Variants in BBOX1 observed in about 807,000 individuals in gnomAD.
BBOX1 encodes gamma-butyrobetaine hydroxylase 1.
A neutral mutation model predicts 41.6 loss-of-function variants in BBOX1; 35 were observed. The ratio of observed to expected loss-of-function variants is 0.84; its 90% CI spans 0.64 to 1.11. BBOX1 has a LOEUF of 1.11. Ranked by LOEUF, BBOX1 falls within the 50% of genes most tolerant of loss-of-function variation. The pLI, the probability that BBOX1 is intolerant of heterozygous loss-of-function variation, is 0.00. For synonymous variants in BBOX1, 163 were observed against 154.7 expected (o/e 1.05, Z -0.40); for missense variants, 458 against 460.6 (o/e 0.99, Z 0.05).
At chr11:27,104,809 A>G (rs1439218220) in intron 5 of BBOX1, among the ~76,000 whole-genome samples, 3 of 152,104 alleles carry the variant, frequency 2.0e-5, no homozygotes, top group Non-Finnish European at 4.4e-5. Flanking sequence ...TGGGTCCCTG[A>G]CCCCTGAGTA....
intron 5 of BBOX1, among the ~76,000 whole-genome samples, chr11:27,098,349 ATAAT>A (rs1858522593): frequency 6.6e-6 from 1 of 152,010 alleles, no homozygotes; most frequent in Non-Finnish European, 1.5e-5. Flanking sequence ...ATAAACCAAA[ATAAT>A]TATATGCTCC....
intron 4 of BBOX1, among the ~76,000 whole-genome samples, chr11:27,089,515 C>T (rs1858162198): frequency 6.6e-6 from 1 of 152,016 alleles, no homozygotes; most frequent in African/African-American, 2.4e-5. Flanking sequence ...CAACAGTCTA[C>T]ATAGGAATAG....
intron 4 of BBOX1, among the ~76,000 whole-genome samples, chr11:27,058,819 A>G (rs1474859457): frequency 6.6e-6 from 1 of 152,218 alleles, no homozygotes; most frequent in Non-Finnish European, 1.5e-5. Flanking sequence ...ATGATCAGAT[A>G]CAAGAGCAAA....
chr11:27,065,230 A>C (rs887764105), intron 4 of BBOX1, among the ~76,000 whole-genome samples: 1 of 152,178 alleles, frequency 6.6e-6, no homozygotes, highest in Non-Finnish European at 1.5e-5. Context: ...AATTCTTGCA[A>C]AGGGACCTAT....
At chr11:27,103,547 C>T (rs1858746231) in intron 5 of BBOX1, among the ~76,000 whole-genome samples, 1 of 151,466 alleles carries the variant, frequency 6.6e-6, no homozygotes, top group Non-Finnish European at 1.5e-5. Flanking sequence ...TCTTGCATTC[C>T]TTCTAATTTA....
In BBOX1 at chr11:27,093,212, T is replaced by A. The variant is rs1375757643; in HGVS notation, c.379T>A (p.Phe127Ile). The A allele has an allele frequency of 6.2e-7, 1 of 1,612,306 alleles. No individual in the cohort carries two copies. Among genetic ancestry groups the A allele is most frequent in the South Asian group, 1.1e-5 (1 of 91,018 alleles). ...GSELQLPTLD[F>I]EDVLRYDEHA... ...AGAGCTCCAGCTACCCACTTTGGAT[T>A]TTGAAGATGTTTTAAGATATGATGA... The change falls in exon 5 of 9, where the codon TTT becomes ATT. Residue 127 changes from phenylalanine to isoleucine, a missense_variant. Phe to Ile is a conservative substitution (Grantham distance 21, BLOSUM62 0). Coordinates refer to ENST00000263182, the MANE Select transcript of BBOX1 (RefSeq NM_003986.3).
chr11:27,055,887 T>C (rs149937809), intron 3 of BBOX1, among the ~76,000 whole-genome samples: 25 of 152,308 alleles, frequency 1.6e-4, no homozygotes, highest in East Asian at 9.7e-4. Context: ...TACTTGTCTT[T>C]TAGTCAAATT....
chr11:27,076,326 T>C (rs1482341840), intron 4 of BBOX1, among the ~76,000 whole-genome samples: 1 of 152,182 alleles, frequency 6.6e-6, no homozygotes, highest in Non-Finnish European at 1.5e-5. Context: ...CCTTAGTGTG[T>C]TGGCTTTCTC....
At chr11:27,085,639 C>T (rs1228101354) in intron 4 of BBOX1, among the ~76,000 whole-genome samples, 1 of 150,904 alleles carries the variant, frequency 6.6e-6, no homozygotes, top group Non-Finnish European at 1.5e-5. Context: ...TTAAGTTAGG[C>T]AAATTAATAA....
At chr11:27,073,499 T>A (rs1857527336) in intron 4 of BBOX1, among the ~76,000 whole-genome samples, 1 of 147,892 alleles carries the variant, frequency 6.8e-6, no homozygotes, top group South Asian at 2.1e-4. Context: ...TGGAAGACAG[T>A]GTGGCAATTC....
At chr11:27,078,459 T>A (rs1259033989) in intron 4 of BBOX1, among the ~76,000 whole-genome samples, 1 of 152,138 alleles carries the variant, frequency 6.6e-6, no homozygotes, top group Non-Finnish European at 1.5e-5. Context: ...CTCCTAATGC[T>A]ATCCTTCCCC....
intron 5 of BBOX1, among the ~76,000 whole-genome samples, chr11:27,102,016 A>G (rs1858679038): frequency 6.8e-6 from 1 of 146,712 alleles, no homozygotes; most frequent in Non-Finnish European, 1.5e-5. Flanking sequence ...CATCCCTTGT[A>G]ACCACTGTTC....
At chr11:27,055,742 C>A in intron 3 of BBOX1, 93 bp downstream of exon 3, 2 of 1,245,396 alleles carry the variant, frequency 1.6e-6, no homozygotes, top group Non-Finnish European at 2.2e-6. Flanking sequence ...TATTTGGTCA[C>A]GCATATATAA....
At chr11:27,103,022 C>G (rs1191859517) in intron 5 of BBOX1, among the ~76,000 whole-genome samples, 1 of 151,962 alleles carries the variant, frequency 6.6e-6, no homozygotes, top group Non-Finnish European at 1.5e-5. Context: ...AAACCTGTCT[C>G]TACTAAAAAT....
At chr11:27,085,685 A>G (rs548069916) in intron 4 of BBOX1, among the ~76,000 whole-genome samples, 1 of 152,050 alleles carries the variant, frequency 6.6e-6, no homozygotes, top group African/African-American at 2.4e-5. Flanking sequence ...AGTGAAAGGA[A>G]GAGTTGCATG....
chr11:27,103,985 G>A (rs1155086), intron 5 of BBOX1, among the ~76,000 whole-genome samples: 152,270 of 152,292 alleles, frequency 1, 76,124 homozygotes, highest in Middle Eastern at 1. Context: ...CTGGCTAACA[G>A]CTTTCTAAGA....
intron 2 of BBOX1, among the ~76,000 whole-genome samples, chr11:27,052,552 T>G (rs1348655): frequency 0.53 from 79,728 of 151,848 alleles, 21,280 homozygotes; most frequent in African/African-American, 0.63. Context: ...CCTCATAGCC[T>G]TTTGTTCCAG....
chr11:27,111,482 C>A (rs1441945487), intron 5 of BBOX1, among the ~76,000 whole-genome samples: 1 of 151,830 alleles, frequency 6.6e-6, no homozygotes, highest in Non-Finnish European at 1.5e-5. Context: ...CACATGTACC[C>A]CCAAAAATTA....
In BBOX1 at chr11:27,054,205, CTGTGTG is replaced by C. The variant is rs57324926; in HGVS notation, c.-38-1163_-38-1158del. On this transcript the variant is annotated intron_variant, in intron 2 of 8. Transcript: ENST00000263182. ...TTTTATAAGCTGTGTGTGTGTGTGT[CTGTGTG>C]TGTGTGTGTGTGTGTGTGTGTGTGC... Among the ~76,000 whole-genome samples the C allele has an allele frequency of 1.0e-3, 140 of 139,484 alleles. 1 individual carries two copies. The highest frequency in any genetic ancestry group is 3.0e-3 in the African/African-American group (119 of 39,180). The allele number at this position is 139,484 out of a possible 152,430, so 91.5% of individuals were successfully genotyped here.
Sources: gnomAD v4.1 joint callset for allele counts (sites outside exome capture counted in the v4.1 genomes callset) on GRCh38, gnomAD v4.1.1 for gene constraint, MANE v1.5 for transcripts, NCBI Gene and HGNC (gene_info 2026-07-23, HGNC 2026-07-21) for gene names.